Variants in AGO2 observed in about 807,000 individuals in gnomAD.
AGO2 encodes argonaute RISC catalytic component 2.
Under a neutral mutation model 102.3 loss-of-function variants are expected in AGO2, and 5 were observed. The ratio of observed to expected loss-of-function variants is 0.05; its 90% confidence interval spans 0.03 to 0.10. The LOEUF is 0.10. Among genes scored for constraint, AGO2 ranks in the 10% least tolerant of loss-of-function variants. The pLI, the probability that AGO2 is intolerant of heterozygous loss-of-function variation, is 1.00. For synonymous variants in AGO2, 449 were observed against 473.1 expected (o/e 0.95, Z 0.66); for missense variants, 541 against 1,183.7 (o/e 0.46, Z 7.97).
intron 1 of AGO2, among the ~76,000 whole-genome samples, chr8:140,597,733 T>A (rs1378713893): frequency 1.3e-5 from 2 of 152,004 alleles, no homozygotes; most frequent in African/African-American, 2.4e-5. Context: ...AAAACTGCCA[T>A]CTGAGTTCCG....
chr8:140,560,350 T>C, intron 5 of AGO2, 24 bp downstream of exon 5: 1 of 1,609,928 alleles, frequency 6.2e-7, no homozygotes, highest in Non-Finnish European at 8.5e-7. Flanking sequence ...TGCCCTGCAG[T>C]GAAGACCCCA....
At chr8:140,624,551 C>T (rs2074252267) in intron 1 of AGO2, among the ~76,000 whole-genome samples, 1 of 152,208 alleles carries the variant, frequency 6.6e-6, no homozygotes, top group South Asian at 2.1e-4. Flanking sequence ...CGGGAGACGG[C>T]AGCACTGAGC....
chr8:140,612,488 G>A (rs1337812853), intron 1 of AGO2, among the ~76,000 whole-genome samples: 1 of 152,118 alleles, frequency 6.6e-6, no homozygotes, highest in Non-Finnish European at 1.5e-5. Context: ...TTTTCTGGCT[G>A]GGTGTGGTGG....
chr8:140,564,643 T>C (rs562871594), intron 3 of AGO2, among the ~76,000 whole-genome samples: 1 of 152,314 alleles, frequency 6.6e-6, no homozygotes, highest in South Asian at 2.1e-4. Flanking sequence ...CTTAAGCATG[T>C]AAGAATAAAC....
chr8:140,634,651 G>C (rs2074380559), intron 1 of AGO2, among the ~76,000 whole-genome samples: 1 of 152,246 alleles, frequency 6.6e-6, no homozygotes, highest in Non-Finnish European at 1.5e-5. Context: ...TCCAGAGAAA[G>C]GCCGACTAGC....
At position 140,525,773 on chromosome 8, in the gene AGO2, G is replaced by A. The variant is rs887866783; in HGVS notation, c.*6271C>T. The A allele has an allele frequency of 3.3e-5, 5 of 152,176 alleles. No individual in the cohort carries two copies. The highest frequency in any genetic ancestry group is 5.9e-5 in the Non-Finnish European group (4 of 68,086). 9.4% of individuals were successfully genotyped at this position (152,176 alleles called of 1,614,324 possible). A position where few individuals can be genotyped will look rare whatever the true frequency, so the allele number is the denominator to read the frequency against. ...TGGGGCGAGCGCTAACCTCAAGATC[G>A]GGCAACATATGGAACCCAAAGAAAG... On this transcript the variant is annotated 3_prime_UTR_variant, in exon 19 of 19. Coordinates refer to ENST00000220592, the MANE Select transcript of AGO2 (RefSeq NM_012154.5).
At chr8:140,630,562 CA>C (rs1397218529) in intron 1 of AGO2, among the ~76,000 whole-genome samples, 1 of 152,232 alleles carries the variant, frequency 6.6e-6, no homozygotes, top group Non-Finnish European at 1.5e-5. Flanking sequence ...TGGCGTGGGC[CA>C]GCAGATCCCC....
At position 140,531,928 on chromosome 8, in the gene AGO2, C is replaced by G. The variant is rs1236427439; in HGVS notation, c.*116G>C. 1.1e-6 allele frequency: 1 copy of G among 896,320 alleles called. No homozygotes were observed. Among genetic ancestry groups the G allele is most frequent in the Non-Finnish European group, 1.8e-6 (1 of 571,040 alleles). The allele number at this position is 896,320 out of a possible 1,614,324, so 55.5% of individuals were successfully genotyped here. ...TGGAAAACGGAGAATCTAATAAAAT[C>G]AATGACGTCTCATGTTCGATGCTGG... is the stretch of plus-strand genomic sequence containing the variant. On this transcript the variant is annotated 3_prime_UTR_variant, in exon 19 of 19. Coordinates refer to ENST00000220592, the MANE Select transcript of AGO2 (RefSeq NM_012154.5).
chr8:140,597,589 C>G (rs2073867539), intron 1 of AGO2, among the ~76,000 whole-genome samples: 1 of 146,794 alleles, frequency 6.8e-6, no homozygotes, highest in African/African-American at 2.6e-5. Flanking sequence ...AATGAGCATT[C>G]AGAAATCTCA....
intron 16 of AGO2, among the ~76,000 whole-genome samples, chr8:140,537,711 G>C (rs2072722092): frequency 6.6e-6 from 1 of 152,038 alleles, no homozygotes; most frequent in African/African-American, 2.4e-5. Flanking sequence ...TTAAAATGCT[G>C]TTAGTTTTTG....
chr8:140,558,445 G>C (rs1342974037), intron 7 of AGO2, 40 bp downstream of exon 7: 3 of 1,609,418 alleles, frequency 1.9e-6, no homozygotes, highest in South Asian at 2.2e-5. Flanking sequence ...GTGACAGTGG[G>C]GGCCCCAGCC....
At chr8:140,614,683 G>A (rs1374845672) in intron 1 of AGO2, among the ~76,000 whole-genome samples, 3 of 152,160 alleles carry the variant, frequency 2.0e-5, no homozygotes, top group African/African-American at 2.4e-5. Flanking sequence ...GAACCTGGAG[G>A]CACCACCAGG....
rs1008153880 is a variant in AGO2 at position 140,529,718 on chromosome 8, G to A, written c.*2326C>T. On this transcript the variant is annotated 3_prime_UTR_variant, in exon 19 of 19. Transcript: ENST00000220592. ...GTCCTCAGACCCCAGGGAGCCCAGGGCTGCAGGCCATCGCTTAGACACAGA... is the reference window on the plus strand; with the variant it reads ...GTCCTCAGACCCCAGGGAGCCCAGGACTGCAGGCCATCGCTTAGACACAGA... 1 of 152,188 alleles carries A rather than the reference G, an allele frequency of 6.6e-6. No homozygotes were observed. The highest frequency in any genetic ancestry group is 1.5e-5 in the Non-Finnish European group (1 of 68,032). 9.4% of individuals were successfully genotyped at this position (152,188 alleles called of 1,614,324 possible).
At chr8:140,585,805 T>C (rs916090448) in intron 1 of AGO2, among the ~76,000 whole-genome samples, 7 of 152,162 alleles carry the variant, frequency 4.6e-5, no homozygotes, top group African/African-American at 1.7e-4. Context: ...CAATTTTCAC[T>C]CAAATGTCTG....
At chr8:140,541,142 G>A (rs992273614) in intron 15 of AGO2, 22 bp downstream of exon 15, 13 of 1,528,824 alleles carry the variant, frequency 8.5e-6, no homozygotes, top group South Asian at 1.2e-5. Flanking sequence ...GAAGGGGAGG[G>A]AAGGTTCCAA....
intron 1 of AGO2, among the ~76,000 whole-genome samples, chr8:140,611,572 C>A (rs368374550): frequency 6.6e-6 from 1 of 152,242 alleles, no homozygotes; most frequent in East Asian, 1.9e-4. Context: ...AGGTGATCCG[C>A]CCACCTCGGC....
At chr8:140,626,918 C>A (rs967008697) in intron 1 of AGO2, 1 of 152,280 alleles carries the variant, frequency 6.6e-6, no homozygotes, top group African/African-American at 2.4e-5. Flanking sequence ...TCCCTCAGGG[C>A]CTCCCTGGGC....
At chr8:140,625,678 G>T (rs548203552) in intron 1 of AGO2, among the ~76,000 whole-genome samples, 1 of 152,198 alleles carries the variant, frequency 6.6e-6, no homozygotes, top group South Asian at 2.1e-4. Context: ...AGTTCCCGCC[G>T]ACTCTACCAT....
At chr8:140,628,454 C>A (rs2074302413) in intron 1 of AGO2, among the ~76,000 whole-genome samples, 1 of 152,190 alleles carries the variant, frequency 6.6e-6, no homozygotes, top group Admixed American at 6.5e-5. Flanking sequence ...ATTTTTTATT[C>A]CCTGTGCATC....
Sources: allele counts gnomAD v4.1 joint callset (sites outside exome capture counted in the v4.1 genomes callset), GRCh38; gene constraint gnomAD v4.1.1; transcripts MANE v1.5; gene names NCBI Gene and HGNC (gene_info 2026-07-23, HGNC 2026-07-21).